Variants in CHN2 observed in about 807,000 individuals in gnomAD.
CHN2 encodes beta-chimaerin.
In CHN2, 35 loss-of-function variants were observed where a neutral mutation model predicts 56.3. That is an observed-to-expected ratio of 0.62 (90% CI 0.47 to 0.82). The LOEUF (loss-of-function observed/expected upper bound fraction) is 0.82. Among genes scored for constraint, CHN2 ranks in the 40% least tolerant of loss-of-function variants. The pLI, the probability that CHN2 is intolerant of heterozygous loss-of-function variation, is 0.00. For synonymous variants in CHN2, 210 were observed against 212.8 expected, an observed-to-expected ratio of 0.99 and a Z score of 0.12; for missense variants, 491 against 580.5, an observed-to-expected ratio of 0.85 and a Z score of 1.58.
intron 4 of CHN2, 43 bp from the exon 5 acceptor site, chr7:29,398,330 T>C: frequency 7.1e-7 from 1 of 1,413,784 alleles, no homozygotes; most frequent in Non-Finnish European, 1.0e-6. Context: ...GTCCTTATTC[T>C]GTATGTGGTC....
chr7:29,269,430 A>C (rs1790433499), intron 1 of CHN2, among the ~76,000 whole-genome samples: 1 of 152,138 alleles, frequency 6.6e-6, no homozygotes, highest in East Asian at 1.9e-4. Flanking sequence ...CGTGTACCAC[A>C]TTTTCTTTAT....
chr7:29,170,153 G>A (rs913361830), intron 2 of CHN2, among the ~76,000 whole-genome samples: 2 of 152,072 alleles, frequency 1.3e-5, no homozygotes, highest in African/African-American at 4.8e-5. Flanking sequence ...ATGGGGTGGA[G>A]GGGGATTCCC....
rs143679883 is a variant in CHN2 at position 29,159,082 on chromosome 7, G to A, written c.274+12122G>A. On this transcript the variant is annotated intron_variant, in intron 2 of 6. Coordinates refer to the CHN2 transcript ENST00000439384. ...CATTTTAAAGCCCATTAAGTCATTA[G>A]GTGGCTCTTCAGTGTTTTCCTAATG... Among the ~76,000 whole-genome samples the A allele has an allele frequency of 2.0e-3, 310 of 152,314 alleles. 4 individuals are homozygous for A. The highest frequency in any genetic ancestry group is 6.8e-3 in the African/African-American group (283 of 41,562).
At chr7:29,286,908 C>A (rs149604750) in intron 1 of CHN2, among the ~76,000 whole-genome samples, 2 of 152,206 alleles carry the variant, frequency 1.3e-5, no homozygotes, top group East Asian at 3.9e-4. Flanking sequence ...ACCTGAAGAC[C>A]AAGAGCTTCT....
At chr7:29,432,166 G>C (rs1438162192) in intron 6 of CHN2, among the ~76,000 whole-genome samples, 1 of 152,084 alleles carries the variant, frequency 6.6e-6, no homozygotes, top group Non-Finnish European at 1.5e-5. Flanking sequence ...TTGTGAACCG[G>C]TTTTCCCTGG....
intron 1 of CHN2, among the ~76,000 whole-genome samples, chr7:29,310,225 T>A (rs547563884): frequency 3.9e-5 from 6 of 152,176 alleles, no homozygotes; most frequent in Non-Finnish European, 5.9e-5. Context: ...AAACAACTTA[T>A]ACATTCACAT....
At chr7:29,496,516 T>TA (rs886069600) in intron 8 of CHN2, among the ~76,000 whole-genome samples, 245 of 142,204 alleles carry the variant, frequency 1.7e-3, no homozygotes, top group Admixed American at 3.1e-3. Context: ...TATCCTCCAT[T>TA]AAAAAAAAAA....
At chr7:29,319,371 G>A (rs1389239928) in intron 1 of CHN2, among the ~76,000 whole-genome samples, 1 of 152,084 alleles carries the variant, frequency 6.6e-6, no homozygotes, top group Non-Finnish European at 1.5e-5. Flanking sequence ...GGGAGGAGGA[G>A]GAGAAAAAAG....
chr7:29,336,759 C>CA (rs5883205), intron 1 of CHN2, among the ~76,000 whole-genome samples: 36 of 68,580 alleles, frequency 5.2e-4, no homozygotes, highest in South Asian at 1.5e-3. Context: ...GATTCTGTCT[C>CA]AAAAAAAAAA....
At chr7:29,485,528 G>A (rs1787865451) in intron 7 of CHN2, among the ~76,000 whole-genome samples, 1 of 152,200 alleles carries the variant, frequency 6.6e-6, no homozygotes, top group Non-Finnish European at 1.5e-5. Context: ...TGTTCTCTCA[G>A]CCTTAACCAA....
At chr7:29,222,340 T>A (rs953916599) in intron 1 of CHN2, among the ~76,000 whole-genome samples, 7 of 152,112 alleles carry the variant, frequency 4.6e-5, no homozygotes, top group Admixed American at 4.6e-4. Flanking sequence ...TTGACTTTCT[T>A]CACAGAATTA....
chr7:29,150,221 A>T (rs924999026), intron 2 of CHN2, among the ~76,000 whole-genome samples: 12 of 152,314 alleles, frequency 7.9e-5, no homozygotes, highest in African/African-American at 2.9e-4. Context: ...CTTGCACCTA[A>T]TGACCATAAG....
chr7:29,221,857 A>G (rs1332150691), intron 1 of CHN2, among the ~76,000 whole-genome samples: 1 of 152,114 alleles, frequency 6.6e-6, no homozygotes, highest in Non-Finnish European at 1.5e-5. Flanking sequence ...TATCCAGTCT[A>G]TCATTGATGG....
intron 1 of CHN2, among the ~76,000 whole-genome samples, chr7:29,260,369 G>A (rs966013264): frequency 6.6e-6 from 1 of 152,142 alleles, no homozygotes; most frequent in Non-Finnish European, 1.5e-5. Context: ...TCTTTGTAAA[G>A]TAGCGTACAT....
rs150513346 is a variant in CHN2, at chr7:29,312,928, A to C, written c.50-41697A>C. On this transcript the variant is annotated intron_variant, in intron 1 of 12. Transcript: ENST00000222792. The stretch of plus-strand genomic sequence containing the variant: ...ACTCCAGTCTCCATGAATGCAAAGC[A>C]CTCTTTCCTTAGACCCTACATTGAA... Among the ~76,000 whole-genome samples, 115 of 151,952 alleles carry C rather than the reference A, an allele frequency of 7.6e-4. 1 individual carries two copies. In the South Asian group the frequency reaches 8.6e-3, roughly 11 times the overall value.
chr7:29,280,383 C>CAA (rs67342328), intron 1 of CHN2, among the ~76,000 whole-genome samples: 6 of 150,304 alleles, frequency 4.0e-5, no homozygotes, highest in Admixed American at 1.3e-4. Flanking sequence ...GGCTCCGTCT[C>CAA]ATAAATAAAT....
At chr7:29,311,872 G>C (rs563863778) in intron 1 of CHN2, among the ~76,000 whole-genome samples, 2 of 152,330 alleles carry the variant, frequency 1.3e-5, no homozygotes, top group Admixed American at 6.5e-5. Context: ...CAAGAAAACA[G>C]ATCAAGAGTC....
chr7:29,265,615 G>T lies in CHN2; in HGVS notation c.49+70625G>T, dbSNP rs187241147. On this transcript the variant is annotated intron_variant, in intron 1 of 12. Transcript: ENST00000222792. ...GATGTACCTGCCTTTGTCACTCCCC[G>T]AATAAAGTTCTTTACTTTCTTGGAG... 3.2e-4 allele frequency among the ~76,000 whole-genome samples: 49 copies of T among 152,270 alleles called. No homozygotes were observed. The East Asian group carries it at 8.9e-3, about 28-fold the overall frequency.
chr7:29,189,732 A>G (rs1012716703), intron 2 of CHN2, among the ~76,000 whole-genome samples: 20 of 151,824 alleles, frequency 1.3e-4, no homozygotes, highest in African/African-American at 4.6e-4. Flanking sequence ...CCAGTCAAAG[A>G]GACTGCAGCG....
Sources: gnomAD v4.1 joint callset for allele counts (sites outside exome capture counted in the v4.1 genomes callset) on GRCh38, gnomAD v4.1.1 for gene constraint, MANE v1.5 for transcripts, NCBI Gene and HGNC (gene_info 2026-07-23, HGNC 2026-07-21) for gene names.